The following ATL1 variants were observed in gnomAD, a reference collection of about 807,000 sequenced individuals.
The protein encoded by ATL1 is atlastin GTPase 1.
A neutral mutation model predicts 75.5 loss-of-function variants in ATL1; 31 were observed. The ratio of observed to expected loss-of-function variants is 0.41; its 90% CI spans 0.31 to 0.55. The LOEUF (loss-of-function observed/expected upper bound fraction) is 0.55, where lower values mean the gene tolerates loss of function less well. ATL1 is among the 20% of genes least tolerant of loss of function. The pLI is 0.27. For synonymous variants in ATL1, 226 were observed against 233.3 expected (o/e 0.97, Z 0.28); for missense variants, 405 against 662.6 (o/e 0.61, Z 4.27).
At chr14:50,543,367 G>C (rs2140148929) in intron 1 of ATL1, among the ~76,000 whole-genome samples, 1 of 152,334 alleles carries the variant, frequency 6.6e-6, no homozygotes, top group East Asian at 1.9e-4. Flanking sequence ...ATAGAGGGAA[G>C]AGTGACCTGT....
At chr14:50,618,524 A>G (rs1020028999) in intron 8 of ATL1, among the ~76,000 whole-genome samples, 3 of 152,204 alleles carry the variant, frequency 2.0e-5, no homozygotes, top group Non-Finnish European at 4.4e-5. Context: ...ACAAAACATG[A>G]AACAAAATAA....
chr14:50,539,238 G>A (rs1159314815), intron 1 of ATL1, among the ~76,000 whole-genome samples: 1 of 152,230 alleles, frequency 6.6e-6, no homozygotes, highest in Non-Finnish European at 1.5e-5. Context: ...ACATGAAATG[G>A]AGTGTCAGTG....
At chr14:50,556,010 CA>C (rs1218513343), upstream of ATL1, among the ~76,000 whole-genome samples, 2 of 152,078 alleles carry the variant, frequency 1.3e-5, no homozygotes, top group Non-Finnish European at 1.5e-5. Context: ...ATTGAGGATA[CA>C]GGGGGAAGAG....
At chr14:50,612,690 G>A (rs534172204) in intron 6 of ATL1, among the ~76,000 whole-genome samples, 2 of 151,862 alleles carry the variant, frequency 1.3e-5, no homozygotes, top group Non-Finnish European at 2.9e-5. Context: ...ATTTGTGTAT[G>A]TACCTAGGGA....
intron 1 of ATL1, among the ~76,000 whole-genome samples, chr14:50,548,105 G>A (rs535937313): frequency 2.0e-5 from 3 of 152,130 alleles, no homozygotes; most frequent in Admixed American, 2.0e-4. Flanking sequence ...ACAGGGGCCC[G>A]GGATAGGGGC....
intron 6 of ATL1, among the ~76,000 whole-genome samples, chr14:50,601,023 A>G (rs910614543): frequency 6.6e-6 from 1 of 152,122 alleles, no homozygotes; most frequent in Non-Finnish European, 1.5e-5. Context: ...TGGGAGGATC[A>G]CTTGAGCCCT....
chr14:50,604,601 T>C (rs2039300082), intron 6 of ATL1, among the ~76,000 whole-genome samples: 1 of 152,112 alleles, frequency 6.6e-6, no homozygotes, highest in South Asian at 2.1e-4. Context: ...AGGTAAGAAC[T>C]ATATCCTTTA....
chr14:50,588,732 A>AC (rs1407387889), intron 2 of ATL1, among the ~76,000 whole-genome samples: 1 of 152,138 alleles, frequency 6.6e-6, no homozygotes, highest in African/African-American at 2.4e-5. Context: ...ACTAAAAAAA[A>AC]ACACACAAAA....
intron 2 of ATL1, 102 bp downstream of exon 2, chr14:50,588,180 C>A: frequency 7.2e-7 from 1 of 1,397,270 alleles, no homozygotes; most frequent in Non-Finnish European, 9.9e-7. Context: ...TTATTATGTA[C>A]CCTATATATG....
At chr14:50,625,691 C>A (rs140276538) in intron 11 of ATL1, among the ~76,000 whole-genome samples, 127 of 152,112 alleles carry the variant, frequency 8.3e-4, no homozygotes, top group African/African-American at 2.7e-3. Context: ...TTTGGGAGGC[C>A]GAGGTGGGTG....
Position 50,565,238 on chromosome 14 carries a change from C to T in ATL1, c.34+4939C>T, listed in dbSNP as rs56727111. 7.4e-3 allele frequency among the ~76,000 whole-genome samples: 1,127 copies of T among 151,702 alleles called. 64 individuals are homozygous for T. In the East Asian group the frequency reaches 0.16, roughly 22 times the overall value. Reference sequence around the variant, plus strand: ...CTGGGAGGCAGAGGTTGCAGTGAGCCGAGATCGCACTACTGCACTCCAGCC... The same window carrying T: ...CTGGGAGGCAGAGGTTGCAGTGAGCTGAGATCGCACTACTGCACTCCAGCC... On this transcript the variant is annotated intron_variant, in intron 1 of 13. Transcript: ENST00000358385.
intron 1 of ATL1, 176 bp downstream of exon 1, chr14:50,560,475 C>T: frequency 3.7e-6 from 3 of 820,038 alleles, no homozygotes; most frequent in Non-Finnish European, 5.8e-6. Flanking sequence ...CGAGCGGTAC[C>T]CGCGTCACCG....
chr14:50,560,333 C>T (rs1177557666), intron 1 of ATL1, 34 bp downstream of exon 1: 11 of 1,611,346 alleles, frequency 6.8e-6, no homozygotes, highest in Non-Finnish European at 9.3e-6. Flanking sequence ...GCAGCCTGCA[C>T]GGGGTCTTCT....
At chr14:50,566,368 A>C (rs2038904233) in intron 1 of ATL1, among the ~76,000 whole-genome samples, 1 of 152,110 alleles carries the variant, frequency 6.6e-6, no homozygotes, top group Non-Finnish European at 1.5e-5. Flanking sequence ...TTCTCTTGAT[A>C]ATTTTTACAG....
chr14:50,606,754 A>T (rs2039320385), intron 6 of ATL1, among the ~76,000 whole-genome samples: 1 of 152,050 alleles, frequency 6.6e-6, no homozygotes, highest in African/African-American at 2.4e-5. Flanking sequence ...ATTCAGTGAT[A>T]CAAAACAATT....
chr14:50,556,746 A>C (rs912277763), upstream of ATL1, among the ~76,000 whole-genome samples: 1 of 152,180 alleles, frequency 6.6e-6, no homozygotes, highest in African/African-American at 2.4e-5. Flanking sequence ...ATCATATAAT[A>C]TGTGGTCTTT....
intron 2 of ATL1, among the ~76,000 whole-genome samples, chr14:50,589,994 T>C (rs1236543267): frequency 6.6e-6 from 1 of 152,178 alleles, no homozygotes; most frequent in Non-Finnish European, 1.5e-5. Context: ...AGGTCACCAA[T>C]TACTGACTTA....
intron 1 of ATL1, among the ~76,000 whole-genome samples, chr14:50,565,834 A>C (rs1266210262): frequency 6.6e-6 from 1 of 152,210 alleles, no homozygotes; most frequent in Non-Finnish European, 1.5e-5. Flanking sequence ...TTTTACATAA[A>C]AATTTCTTAT....
intron 1 of ATL1, among the ~76,000 whole-genome samples, chr14:50,569,412 C>G (rs1047812727): frequency 1.4e-5 from 2 of 139,302 alleles, no homozygotes; most frequent in African/African-American, 2.6e-5. Flanking sequence ...GAGAAAGACT[C>G]TGTCTCAAAA....
Sources: gnomAD v4.1 joint callset for allele counts (sites outside exome capture counted in the v4.1 genomes callset) on GRCh38, gnomAD v4.1.1 for gene constraint, MANE v1.5 for transcripts, NCBI Gene and HGNC (gene_info 2026-07-23, HGNC 2026-07-21) for gene names.